The following WDR43 variants were observed in gnomAD, a reference collection of about 807,000 sequenced individuals.
WDR43 encodes the protein WD repeat domain 43, also known as WD repeat-containing protein 43.
Under a neutral mutation model 91.4 loss-of-function variants are expected in WDR43, and 13 were observed. That is an observed-to-expected ratio of 0.14 (90% CI 0.09 to 0.23). The LOEUF (loss-of-function observed/expected upper bound fraction) is 0.23, where lower values mean the gene tolerates loss of function less well. WDR43 is among the 10% of genes least tolerant of loss of function. WDR43 has a pLI of 1.00. For missense variants in WDR43, 780 were observed against 809.4 expected, an observed-to-expected ratio of 0.96 and a Z score of 0.44; for synonymous variants, 331 against 287.9, an observed-to-expected ratio of 1.15 and a Z score of -1.51.
chr2:28,938,850 G>T (rs1292059052), intron 14 of WDR43, among the ~76,000 whole-genome samples: 1 of 152,234 alleles, frequency 6.6e-6, no homozygotes. Context: ...AGAAACAACA[G>T]ATCTTGGGTG....
At chr2:28,941,655 G>C (rs1671439312) in intron 15 of WDR43, 81 bp downstream of exon 15, 1 of 1,113,950 alleles carries the variant, frequency 9.0e-7, no homozygotes, top group Non-Finnish European at 1.3e-6. Flanking sequence ...TTTTGAGACA[G>C]GGTCTTGCTC....
Position 28,901,325 on chromosome 2 carries a change from G to A in WDR43, c.226-662G>A, listed in dbSNP as rs114316728. Among the ~76,000 whole-genome samples the A allele has an allele frequency of 1.4e-3, 206 of 152,328 alleles. 1 individual carries two copies. Among genetic ancestry groups the A allele is most frequent in the African/African-American group, 4.7e-3 (194 of 41,562 alleles). On this transcript the variant is annotated intron_variant, in intron 1 of 17. Coordinates refer to ENST00000407426, the MANE Select transcript of WDR43 (RefSeq NM_015131.3). Reference sequence around the variant, plus strand: ...TGTTAACATCACTTTTGAAATGAAAGAAGTCTTGTGGCATTTGCCACTTGA... The same window carrying A: ...TGTTAACATCACTTTTGAAATGAAAAAAGTCTTGTGGCATTTGCCACTTGA...
At chr2:28,924,861 C>A in intron 7 of WDR43, 121 bp from the exon 8 acceptor site, 1 of 1,158,926 alleles carries the variant, frequency 8.6e-7, no homozygotes, top group Non-Finnish European at 1.2e-6. Context: ...ACCCAGGTGA[C>A]TCCTGATGGC....
chr2:28,934,857 C>A (rs1217144572), intron 11 of WDR43, among the ~76,000 whole-genome samples: 1 of 152,224 alleles, frequency 6.6e-6, no homozygotes, highest in Non-Finnish European at 1.5e-5. Context: ...CTCTCTGGAA[C>A]TAAACCCTTT....
At chr2:28,897,410 A>G (rs1670504563) in intron 1 of WDR43, among the ~76,000 whole-genome samples, 1 of 152,136 alleles carries the variant, frequency 6.6e-6, no homozygotes, top group Admixed American at 6.6e-5. Context: ...ACTTTCCAGC[A>G]TTTTGTTAAG....
chr2:28,894,862 C>A lies in WDR43; in HGVS notation c.164C>A (p.Ser55Tyr), dbSNP rs1206991426. 1.2e-6 allele frequency: 2 copies of A among 1,610,198 alleles called. No individual in the cohort carries two copies. The highest frequency in any genetic ancestry group is 1.7e-6 in the Non-Finnish European group (2 of 1,178,474). Residue 55 changes from serine (S) to tyrosine (Y), a missense_variant, in exon 1 of 18, where the codon TCC becomes TAC. Physicochemically the swap from Ser to Tyr is moderately radical, Grantham distance 144. Around this residue, in one of 4 missense-constraint regions of WDR43, gnomAD observed 175 missense variants for 113.8 expected, o/e 1.54. Transcript: ENST00000407426. ...CGGCTGCACCAGGAGTACGTGCCTT[C>A]CGCGCACCTCAGTGGTACCTGCACC... Reference protein sequence around the residue: ...NNRLHQEYVPSAHLSGTCTCL... With the variant: ...NNRLHQEYVPYAHLSGTCTCL...
chr2:28,935,648 G>A, intron 12 of WDR43, 41 bp downstream of exon 12: 1 of 1,373,056 alleles, frequency 7.3e-7, no homozygotes, highest in Admixed American at 2.3e-5. Flanking sequence ...CTAATGCCAT[G>A]AGTTAAATGG....
chr2:28,910,142 A>G (rs576803850), intron 3 of WDR43, among the ~76,000 whole-genome samples: 3 of 152,288 alleles, frequency 2.0e-5, no homozygotes, highest in Non-Finnish European at 2.9e-5. Context: ...AAGTTCCCAG[A>G]TCATGCTGAT....
intron 3 of WDR43, among the ~76,000 whole-genome samples, chr2:28,908,636 T>A (rs938700284): frequency 6.6e-6 from 1 of 152,222 alleles, no homozygotes; most frequent in Non-Finnish European, 1.5e-5. Flanking sequence ...TGTTTTGAAG[T>A]AGATTAAACA....
At chr2:28,905,317 T>G (rs1340964499) in intron 2 of WDR43, among the ~76,000 whole-genome samples, 2 of 152,162 alleles carry the variant, frequency 1.3e-5, no homozygotes, top group Non-Finnish European at 2.9e-5. Context: ...TCCTGGAATG[T>G]TTGTGAGATG....
intron 8 of WDR43, 28 bp downstream of exon 8, chr2:28,925,181 C>T (rs1329363569): frequency 6.3e-7 from 1 of 1,577,808 alleles, no homozygotes; most frequent in Admixed American, 1.8e-5. Context: ...TGGAGTAAAG[C>T]AATATAGCAT....
chr2:28,895,172 A>G (rs943163089), intron 1 of WDR43: 4 of 344,244 alleles, frequency 1.2e-5, no homozygotes, highest in Non-Finnish European at 2.1e-5. Context: ...TGGCCCAATG[A>G]GGCCTGGGCC....
chr2:28,922,617 G>A (rs993790993), intron 6 of WDR43, among the ~76,000 whole-genome samples: 10 of 152,194 alleles, frequency 6.6e-5, no homozygotes, highest in African/African-American at 2.4e-4. Flanking sequence ...GGCAAGAGGG[G>A]CATGTCAGCT....
chr2:28,917,802 G>A, intron 5 of WDR43, 91 bp from the exon 6 acceptor site: 1 of 1,094,232 alleles, frequency 9.1e-7, no homozygotes, highest in South Asian at 1.4e-5. Flanking sequence ...GGAATCTCAT[G>A]TGCTGATCTC....
chr2:28,925,253 T>C, intron 8 of WDR43, 100 bp downstream of exon 8: 1 of 1,161,230 alleles, frequency 8.6e-7, no homozygotes, highest in Non-Finnish European at 1.1e-6. Context: ...AGATAAATAA[T>C]ATATTCTTTT....
At chr2:28,920,638 T>G (rs933093318) in intron 6 of WDR43, among the ~76,000 whole-genome samples, 3 of 152,164 alleles carry the variant, frequency 2.0e-5, no homozygotes, top group African/African-American at 7.2e-5. Context: ...GTAGCAAAAC[T>G]TGCCACTAGT....
intron 11 of WDR43, among the ~76,000 whole-genome samples, chr2:28,930,889 T>C (rs1315575338): frequency 1.3e-5 from 2 of 152,224 alleles, no homozygotes; most frequent in East Asian, 3.8e-4. Flanking sequence ...CCCCAAGTTA[T>C]GGTGAAGCAA....
intron 3 of WDR43, among the ~76,000 whole-genome samples, chr2:28,911,781 G>T (rs1041391245): frequency 2.0e-4 from 31 of 151,972 alleles, no homozygotes; most frequent in African/African-American, 7.2e-4. Flanking sequence ...ACTACACCAT[G>T]CCTGGCTAAT....
intron 16 of WDR43, among the ~76,000 whole-genome samples, chr2:28,943,616 A>T (rs1189744792): frequency 6.6e-6 from 1 of 152,202 alleles, no homozygotes; most frequent in Non-Finnish European, 1.5e-5. Flanking sequence ...AGCTAGACCA[A>T]TAGATTGGCA....
Sources: gnomAD v4.1 joint callset for allele counts (sites outside exome capture counted in the v4.1 genomes callset) on GRCh38, gnomAD v4.1.1 for gene constraint, gnomAD v4.1.1 regional missense constraint, MANE v1.5 for transcripts, NCBI Gene and HGNC (gene_info 2026-07-23, HGNC 2026-07-21) for gene names.